SYNE4: variants seen among roughly 807,000 people sequenced by gnomAD.
SYNE4 encodes the protein spectrin repeat containing nuclear envelope family member 4, also known as nesprin-4.
Under a neutral mutation model 46.9 loss-of-function variants are expected in SYNE4, and 41 were observed. The ratio of observed to expected loss-of-function variants is 0.87; its 90% CI spans 0.68 to 1.13. SYNE4 has a LOEUF of 1.13. Among genes scored for constraint, SYNE4 ranks in the 50% most tolerant of loss-of-function variants. SYNE4 has a pLI of 0.00. For synonymous variants in SYNE4, 221 were observed against 219.5 expected (o/e 1.01, Z -0.06); for missense variants, 492 against 514.8 (o/e 0.96, Z 0.43).
In SYNE4 at chr19:36,007,440, A is replaced by G. The variant is rs1187330843; in HGVS notation, c.280-172T>C. On this transcript the variant is annotated intron_variant, in intron 2 of 7. Transcript: ENST00000324444. Reference sequence around the variant, plus strand: ...CTGGGGGGGCCTTCCCAGTGGAGCCAGGCCTGAGGACAGATATCTAGTTCA... The same window carrying G: ...CTGGGGGGGCCTTCCCAGTGGAGCCGGGCCTGAGGACAGATATCTAGTTCA... The G allele has an allele frequency of 6.1e-6, 6 of 985,292 alleles. No individual in the cohort carries two copies. The African/African-American group carries it at 1.0e-4, about 17-fold the overall frequency. 61.0% of individuals were successfully genotyped at this position (985,292 alleles called of 1,614,324 possible).
chr19:36,006,615 G>A lies in SYNE4; in HGVS notation c.675C>T (p.Asp225=). The A allele has an allele frequency of 6.2e-7, 1 of 1,610,172 alleles. No individual in the cohort carries two copies. Among genetic ancestry groups the A allele is most frequent in the Non-Finnish European group, 8.5e-7 (1 of 1,178,268 alleles). ...DQDLEVEGDS[D]WPGPGGVWGP... is the part of the protein sequence containing the mutation. ...CCCAGACCCCACCAGGTCCTGGCCA[G>A]TCCGAGTCTCCCTCGACCTCCAAGT... The change falls in exon 5 of 8, where the codon GAC becomes GAT. Residue 225 remains aspartate, a synonymous_variant. Coordinates refer to ENST00000324444, the MANE Select transcript of SYNE4 (RefSeq NM_001039876.3).
At chr19:36,007,521 C>G in intron 2 of SYNE4, 1 of 985,294 alleles carries the variant, frequency 1.0e-6, no homozygotes, top group East Asian at 1.1e-4. Flanking sequence ...CCTGGGGGGT[C>G]TGGACAGGGA....
chr19:36,006,874 G>T lies in SYNE4; in HGVS notation c.494C>A (p.Ala165Glu). ...CCAGGCCCTGGGCTCACTCCGCTGT[G>T]CCAGCCCCTCACCAAACGCTAGCAG... ...EALLAFGEGL[A>E]QRSEPRAWAA... The change falls in exon 4 of 8, where the codon GCA becomes GAA. Residue 165 changes from alanine to glutamate, a missense_variant. Physicochemically the swap from Ala to Glu is moderately radical, Grantham distance 107. Coordinates refer to ENST00000324444, the MANE Select transcript of SYNE4 (RefSeq NM_001039876.3). The T allele has an allele frequency of 1.9e-6, 3 of 1,572,240 alleles. No individual in the cohort carries two copies. The highest frequency in any genetic ancestry group is 2.6e-6 in the Non-Finnish European group (3 of 1,159,794).
intron 6 of SYNE4, among the ~76,000 whole-genome samples, chr19:36,004,402 C>T (rs183605612): frequency 5.3e-5 from 8 of 152,350 alleles, no homozygotes; most frequent in African/African-American, 1.9e-4. Context: ...TTTCCTGGCA[C>T]CTCCTTATCC....
chr19:36,005,439 T>C lies in SYNE4; in HGVS notation c.868-2A>G. On this transcript the variant is annotated splice_acceptor_variant, in intron 5 of 7. Coordinates refer to ENST00000324444, the MANE Select transcript of SYNE4 (RefSeq NM_001039876.3). LOFTEE classifies it high-confidence loss of function. The stretch of plus-strand genomic sequence containing the variant: ...TCGGGAGTGAGAGGTGTCTGCTTCC[T>C]GGAGAACCAGCAACAAAGAAAAACG... The C allele has an allele frequency of 6.2e-7, 1 of 1,613,836 alleles. No homozygotes were observed. The highest frequency in any genetic ancestry group is 1.3e-5 in the African/African-American group (1 of 74,992).
In SYNE4 at chr19:36,006,931, T is replaced by C. The variant is rs755538022; in HGVS notation, c.437A>G (p.Asp146Gly). Residue 146 changes from aspartate (D) to glycine (G), a missense_variant, in exon 4 of 8, where the codon GAC (aspartate) becomes GGC (glycine). Coordinates refer to ENST00000324444, the MANE Select transcript of SYNE4 (RefSeq NM_001039876.3). ...GMVQLQALQV[D>G]LRGAAERVEA... ...CACACGCTCAGCTGCCCCTCGTAGG[T>C]CCACCTGGAGGGCCTGGGGACATAT... is the stretch of plus-strand genomic sequence containing the variant. 1 of 1,549,046 alleles carries C rather than the reference T, an allele frequency of 6.5e-7. No individual in the cohort carries two copies. Among genetic ancestry groups the C allele is most frequent in the South Asian group, 1.2e-5 (1 of 83,882 alleles).
intron 2 of SYNE4, chr19:36,007,548 C>T (rs1362185466): frequency 2.0e-6 from 2 of 985,124 alleles, no homozygotes; most frequent in Non-Finnish European, 2.4e-6. Context: ...CTGGGTACCC[C>T]CCAAGAAGAA....
Position 36,006,846 on chromosome 19 carries a change from T to C in SYNE4, c.522A>G (p.Ala174=). 4 of 1,592,790 alleles carry C rather than the reference T, an allele frequency of 2.5e-6. No homozygotes were observed. Among genetic ancestry groups the C allele is most frequent in the Non-Finnish European group, 3.4e-6 (4 of 1,171,060 alleles). The change falls in exon 4 of 8, where the codon GCA becomes GCG. Residue 174 remains alanine, a synonymous_variant. Transcript: ENST00000324444. Reference sequence around the variant, plus strand: ...GGGCCCGCAGGATCTGCTCCAGGGCTGCCCAGGCCCTGGGCTCACTCCGCT... The same window carrying C: ...GGGCCCGCAGGATCTGCTCCAGGGCCGCCCAGGCCCTGGGCTCACTCCGCT... ...LAQRSEPRAW[A]ALEQILRALG...
intron 6 of SYNE4, 142 bp from the exon 7 acceptor site, chr19:36,003,813 G>A (rs1342555198): frequency 2.7e-5 from 33 of 1,241,856 alleles, no homozygotes; most frequent in Admixed American, 6.3e-5. Flanking sequence ...TCAGCCTCCC[G>A]GGTTCAAGCA....
Position 36,008,380 on chromosome 19 carries a change from G to A in SYNE4, c.129-13C>T, listed in dbSNP as rs758387789. ...GGCCTGCTCTGGGCTAGGAGGCAGG[G>A]GGCGGTGACTGGGTGAGTCTCGACA... On this transcript the variant is annotated splice_polypyrimidine_tract_variant and intron_variant, in intron 1 of 7. Transcript: ENST00000324444. The A allele has an allele frequency of 1.9e-6, 3 of 1,557,402 alleles. No individual in the cohort carries two copies. Among genetic ancestry groups the A allele is most frequent in the Admixed American group, 1.8e-5 (1 of 55,374 alleles).
At chr19:36,004,158 G>A (rs990446716) in intron 6 of SYNE4, among the ~76,000 whole-genome samples, 2 of 152,124 alleles carry the variant, frequency 1.3e-5, no homozygotes, top group Non-Finnish European at 2.9e-5. Context: ...ACAGGCACAT[G>A]CCACTGCAAC....
At chr19:36,004,970 C>T (rs569702602) in intron 6 of SYNE4, among the ~76,000 whole-genome samples, 61 of 149,004 alleles carry the variant, frequency 4.1e-4, no homozygotes, top group Admixed American at 3.3e-3. Flanking sequence ...CTCCGCCTCC[C>T]GGGCTCAAGC....
At position 36,006,471 on chromosome 19, in the gene SYNE4, A is replaced by T; in HGVS notation, c.819T>A (p.Cys273Ter). The T allele has an allele frequency of 6.2e-7, 1 of 1,612,748 alleles. No individual in the cohort carries two copies. The highest frequency in any genetic ancestry group is 2.2e-5 in the East Asian group (1 of 44,814). Reference protein sequence around the residue: ...QKTARTLGVPCELCGQRGPQG... With the variant: ...QKTARTLGVP ...GGGGCCCCCTCTGGCCACACAGCTC[A>T]CAGGGCACTCCTAGTGTCCGGGCTG... The change falls in exon 5 of 8, where the codon TGT (cysteine) becomes TGA (stop). Residue 273 changes from cysteine to a stop codon, truncating the protein, a stop_gained. Transcript: ENST00000324444. LOFTEE classifies it high-confidence loss of function.
At position 36,008,765 on chromosome 19, in the gene SYNE4, G is replaced by A. The variant is rs1968485177; in HGVS notation, c.-84C>T. The A allele has an allele frequency of 3.4e-6, 5 of 1,480,948 alleles. No individual in the cohort carries two copies. The highest frequency in any genetic ancestry group is 1.4e-5 in the South Asian group (1 of 72,432). 91.7% of individuals were successfully genotyped at this position (1,480,948 alleles called of 1,614,324 possible). On this transcript the variant is annotated 5_prime_UTR_variant, in exon 1 of 8. Coordinates refer to ENST00000324444, the MANE Select transcript of SYNE4 (RefSeq NM_001039876.3). ...GACAAGGGTGTCCCAGAGCTCCTCC[G>A]CTGGAGTCACCCGGGCCTGAGGCTG... is the stretch of plus-strand genomic sequence containing the variant.
chr19:36,005,628 G>T, intron 5 of SYNE4, 191 bp from the exon 6 acceptor site: 1 of 589,226 alleles, frequency 1.7e-6, no homozygotes, highest in Non-Finnish European at 3.0e-6. Context: ...TACAAGCCAG[G>T]AACTGTTCTA....
At chr19:36,004,206 A>AG (rs1046806263) in intron 6 of SYNE4, among the ~76,000 whole-genome samples, 1 of 151,880 alleles carries the variant, frequency 6.6e-6, no homozygotes, top group Non-Finnish European at 1.5e-5. Flanking sequence ...AGATGGGGGG[A>AG]GGGGGCAGGT....
chr19:36,005,338 G>A lies in SYNE4; in HGVS notation c.967C>T (p.Pro323Ser), dbSNP rs766672065. The change falls in exon 6 of 8, where the codon CCT becomes TCT. Residue 323 changes from proline to serine, a missense_variant. Pro to Ser is a moderately conservative substitution (Grantham distance 74). Coordinates refer to ENST00000324444, the MANE Select transcript of SYNE4 (RefSeq NM_001039876.3). ...RHQRHSLLRK[P>S]QDKKRQASPH... Reference sequence around the variant, plus strand: ...CTGGTTGAGAACTGGCTCACCTGAGGCTTCCGGAGCAGGGAGTGTCTTTGG... The same window carrying A: ...CTGGTTGAGAACTGGCTCACCTGAGACTTCCGGAGCAGGGAGTGTCTTTGG... The A allele has an allele frequency of 6.2e-7, 1 of 1,614,024 alleles. No individual in the cohort carries two copies. The highest frequency in any genetic ancestry group is 1.1e-5 in the South Asian group (1 of 91,076).
chr19:36,008,496 G>A (rs1263978847), intron 1 of SYNE4, 58 bp downstream of exon 1: 1 of 1,610,700 alleles, frequency 6.2e-7, no homozygotes, highest in East Asian at 2.2e-5. Flanking sequence ...ACCCTCACAT[G>A]GCCCCTGCCA....
At position 36,006,847 on chromosome 19, in the gene SYNE4, G is replaced by T; in HGVS notation, c.521C>A (p.Ala174Glu). ...GGCCCGCAGGATCTGCTCCAGGGCT[G>T]CCCAGGCCCTGGGCTCACTCCGCTG... is the stretch of plus-strand genomic sequence containing the variant. ...LAQRSEPRAW[A>E]ALEQILRALG... Residue 174 changes from alanine to glutamate, a missense_variant, in exon 4 of 8, where the codon GCA (alanine) becomes GAA (glutamate). Transcript: ENST00000324444. The T allele has an allele frequency of 6.3e-7, 1 of 1,591,964 alleles. No homozygotes were observed. The highest frequency in any genetic ancestry group is 1.1e-5 in the South Asian group (1 of 88,220).
Sources: gnomAD v4.1 joint callset for allele counts (sites outside exome capture counted in the v4.1 genomes callset) on GRCh38, gnomAD v4.1.1 for gene constraint, MANE v1.5 for transcripts, NCBI Gene and HGNC (gene_info 2026-07-23, HGNC 2026-07-21) for gene names.